The following PHACTR4 variants were observed in gnomAD, a reference collection of about 807,000 sequenced individuals.
PHACTR4 encodes protein phosphatase 1, regulatory subunit 124.
A neutral mutation model predicts 72.7 loss-of-function variants in PHACTR4; 51 were observed. That is an observed-to-expected ratio of 0.70 (90% CI 0.56 to 0.89). PHACTR4 has a LOEUF of 0.89. PHACTR4 is among the 40% of genes least tolerant of loss of function. PHACTR4 has a pLI of 0.00. For synonymous variants in PHACTR4, 255 were observed against 302.5 expected, an observed-to-expected ratio of 0.84 and a Z score of 1.63; for missense variants, 731 against 861.8, an observed-to-expected ratio of 0.85 and a Z score of 1.90.
intron 1 of PHACTR4, among the ~76,000 whole-genome samples, chr1:28,392,681 C>T (rs893775588): frequency 2.0e-5 from 3 of 152,100 alleles, no homozygotes; most frequent in Admixed American, 6.6e-5. Context: ...GTGTGAGCCA[C>T]CACTCCCAGC....
intron 2 of PHACTR4, among the ~76,000 whole-genome samples, chr1:28,455,164 C>T (rs1658285771): frequency 7.2e-6 from 1 of 138,036 alleles, no homozygotes; most frequent in South Asian, 2.2e-4. Context: ...GCCACCGCAT[C>T]TGGCCTCATT....
intron 2 of PHACTR4, among the ~76,000 whole-genome samples, chr1:28,427,917 A>G (rs1250310058): frequency 6.6e-6 from 1 of 152,228 alleles, no homozygotes; most frequent in Non-Finnish European, 1.5e-5. Flanking sequence ...TATTTTGCAT[A>G]TAGCAAGCAT....
chr1:28,496,506 A>AC (rs1661371413), intron 13 of PHACTR4, 28 bp from the exon 14 acceptor site: 2 of 1,612,160 alleles, frequency 1.2e-6, no homozygotes, highest in Non-Finnish European at 1.7e-6. Context: ...ATCATGTGGT[A>AC]ACTTGTCTCT....
intron 1 of PHACTR4, among the ~76,000 whole-genome samples, chr1:28,385,233 A>C (rs1055680745): frequency 1.1e-4 from 17 of 152,004 alleles, no homozygotes; most frequent in Non-Finnish European, 2.4e-4. Context: ...TTCTGCCTTA[A>C]TTTCATTATT....
At chr1:28,432,359 A>ATC (rs1157708864) in intron 2 of PHACTR4, among the ~76,000 whole-genome samples, 7 of 147,482 alleles carry the variant, frequency 4.7e-5, no homozygotes, top group South Asian at 2.1e-4. Flanking sequence ...AGGCTAGAGG[A>ATC]TCTCTCTCTC....
intron 2 of PHACTR4, among the ~76,000 whole-genome samples, chr1:28,448,281 C>A (rs571273593): frequency 6.6e-6 from 1 of 151,530 alleles, no homozygotes; most frequent in Admixed American, 6.6e-5. Flanking sequence ...TTTGGGAGGT[C>A]GAAGCGGATA....
At chr1:28,391,226 C>T (rs895339853) in intron 1 of PHACTR4, among the ~76,000 whole-genome samples, 12 of 148,768 alleles carry the variant, frequency 8.1e-5, no homozygotes, top group Admixed American at 1.3e-4. Context: ...GGTGAAACCC[C>T]GTCTCTACTA....
At chr1:28,419,040 G>A (rs1655312275) in intron 2 of PHACTR4, among the ~76,000 whole-genome samples, 1 of 149,058 alleles carries the variant, frequency 6.7e-6, no homozygotes, top group African/African-American at 2.5e-5. Context: ...CTACTTTTAT[G>A]ATTTTTTTCT....
chr1:28,449,678 C>T (rs977253777), intron 2 of PHACTR4, among the ~76,000 whole-genome samples: 9 of 151,842 alleles, frequency 5.9e-5, no homozygotes, highest in Non-Finnish European at 1.0e-4. Context: ...ATGGTGAAAC[C>T]CTGTCTCTAC....
chr1:28,458,558 G>A (rs983266315), intron 2 of PHACTR4, among the ~76,000 whole-genome samples: 2 of 152,060 alleles, frequency 1.3e-5, no homozygotes, highest in African/African-American at 4.8e-5. Context: ...CTTCTGCCCC[G>A]CAACCCTGAG....
intron 1 of PHACTR4, among the ~76,000 whole-genome samples, chr1:28,390,756 G>A (rs1001600678): frequency 7.9e-5 from 12 of 152,096 alleles, no homozygotes; most frequent in African/African-American, 2.9e-4. Context: ...TCACGCCACT[G>A]CGCTCCAGCC....
chr1:28,376,398 A>G (rs1481613961), intron 1 of PHACTR4, among the ~76,000 whole-genome samples: 1 of 150,526 alleles, frequency 6.6e-6, no homozygotes, highest in African/African-American at 2.4e-5. Flanking sequence ...TGAACCCTTG[A>G]CCTCTCTCCC....
chr1:28,454,424 C>T (rs1222533520), intron 2 of PHACTR4, among the ~76,000 whole-genome samples: 1 of 151,766 alleles, frequency 6.6e-6, no homozygotes, highest in Non-Finnish European at 1.5e-5. Context: ...CTATAGGCAC[C>T]CGCCACTGCG....
intron 2 of PHACTR4, among the ~76,000 whole-genome samples, chr1:28,456,396 A>G (rs962098850): frequency 6.6e-6 from 1 of 152,194 alleles, no homozygotes; most frequent in African/African-American, 2.4e-5. Context: ...ATCCACCCCC[A>G]TGATCCAGTC....
At chr1:28,443,285 T>C (rs978146962) in intron 2 of PHACTR4, among the ~76,000 whole-genome samples, 1 of 142,366 alleles carries the variant, frequency 7.0e-6, no homozygotes, top group African/African-American at 2.8e-5. Flanking sequence ...CTCTCTCTCT[T>C]CTTTCTTTCT....
intron 10 of PHACTR4, 62 bp downstream of exon 10, chr1:28,489,287 T>C (rs1660893624): frequency 1.4e-6 from 2 of 1,407,016 alleles, no homozygotes; most frequent in Non-Finnish European, 2.0e-6. Context: ...GACTTTAATA[T>C]ACATAAAAGA....
At chr1:28,465,971 A>C (rs1570042378) in intron 5 of PHACTR4, 122 bp downstream of exon 5, 2 of 957,484 alleles carry the variant, frequency 2.1e-6, no homozygotes, top group East Asian at 2.7e-5. Context: ...CTTTAACAAT[A>C]CCTTAACTAG....
rs1265405695 is a variant in PHACTR4, at chr1:28,369,779, C to A, written c.-85C>A. 1 of 453,902 alleles carries A rather than the reference C, an allele frequency of 2.2e-6. No individual in the cohort carries two copies. Among genetic ancestry groups the A allele is most frequent in the South Asian group, 1.6e-5 (1 of 63,848 alleles). 28.1% of individuals were successfully genotyped at this position (453,902 alleles called of 1,614,324 possible). A position where few individuals can be genotyped will look rare whatever the true frequency, so the allele number is the denominator to read the frequency against. On this transcript the variant is annotated 5_prime_UTR_variant, in exon 1 of 14. Transcript: ENST00000373839. ...CGGCCAACGGGCCAGGTAGGATTTC[C>A]GGGAGAGGCTGCTGTGGAGGCTGAG... is the stretch of plus-strand genomic sequence containing the variant.
rs1168397989 is a variant in PHACTR4, at chr1:28,377,324, C to T, written c.-39+7499C>T. ...CGTGAACTCAGCACACTGCAACCTC[C>T]GCCTCCTGGGTTCAAGTGATTCTCC... is the stretch of plus-strand genomic sequence containing the variant. On this transcript the variant is annotated intron_variant, in intron 1 of 13. Transcript: ENST00000373839. 4.6e-5 allele frequency among the ~76,000 whole-genome samples: 7 copies of T among 150,902 alleles called. No individual in the cohort carries two copies. In the South Asian group the frequency reaches 6.3e-4, roughly 14 times the overall value.
Sources: gnomAD v4.1 joint callset for allele counts (sites outside exome capture counted in the v4.1 genomes callset) on GRCh38, gnomAD v4.1.1 for gene constraint, MANE v1.5 for transcripts, NCBI Gene and HGNC (gene_info 2026-07-23, HGNC 2026-07-21) for gene names.